SCUBE2: variants seen among roughly 807,000 people sequenced by gnomAD.
SCUBE2 encodes signal peptide, CUB domain and EGF like domain containing 2.
SCUBE2 carries 114 observed loss-of-function variants against 125.9 expected under a neutral mutation model. The observed-to-expected ratio is 0.91, with a 90% CI of 0.78 to 1.06. The LOEUF (loss-of-function observed/expected upper bound fraction) is 1.06. Among genes scored for constraint, SCUBE2 ranks in the 50% least tolerant of loss-of-function variants. The pLI is 0.00. For synonymous variants in SCUBE2, 459 were observed against 492.9 expected (o/e 0.93, Z 0.91); for missense variants, 1,255 against 1,301.8 (o/e 0.96, Z 0.55).
In SCUBE2 at chr11:9,079,083, T is replaced by A. The variant is rs1590148720; in HGVS notation, c.382+301A>T. ...ACAGCATTGAAAAAAAAAATGGTTA[T>A]AAGTCAGGACTCTCAACACAAGACC... On this transcript the variant is annotated intron_variant, in intron 3 of 22. Transcript: ENST00000649792. Among the ~76,000 whole-genome samples, 3 of 151,868 alleles carry A rather than the reference T, an allele frequency of 2.0e-5. No homozygotes were observed. In the Middle Eastern group the frequency reaches 0.01, roughly 517 times the overall value.
At chr11:9,080,100 G>A (rs1469501757) in intron 2 of SCUBE2, among the ~76,000 whole-genome samples, 1 of 152,188 alleles carries the variant, frequency 6.6e-6, no homozygotes, top group Non-Finnish European at 1.5e-5. Context: ...CAGAGGTATA[G>A]ATCAATGGAA....
intron 20 of SCUBE2, chr11:9,026,154 T>C: frequency 4.2e-6 from 1 of 237,314 alleles, no homozygotes; most frequent in Non-Finnish European, 8.1e-6. Flanking sequence ...ACTGACCTGC[T>C]GTCATCTAAT....
At chr11:9,065,320 G>C (rs927534122) in intron 7 of SCUBE2, among the ~76,000 whole-genome samples, 1 of 152,146 alleles carries the variant, frequency 6.6e-6, no homozygotes, top group Non-Finnish European at 1.5e-5. Flanking sequence ...TCTCATGATA[G>C]AGTGAGATCA....
intron 3 of SCUBE2, among the ~76,000 whole-genome samples, chr11:9,078,231 G>A (rs191906837): frequency 6.6e-4 from 101 of 152,336 alleles, no homozygotes; most frequent in African/African-American, 2.3e-3. Flanking sequence ...GGTACTGACT[G>A]CCTAGAAGAT....
intron 17 of SCUBE2, among the ~76,000 whole-genome samples, chr11:9,033,320 TAGGGAAATCACTCAGGTTTCAGGTGTA>T (rs767484882): frequency 1.5e-4 from 23 of 152,188 alleles, no homozygotes; most frequent in Non-Finnish European, 2.8e-4. Flanking sequence ...TACCTATAGA[TAGGGAAATCACTCAGGTTTCAGGTGTA>T]TATATTTCCA....
intron 13 of SCUBE2, 43 bp from the exon 14 acceptor site, chr11:9,050,753 A>C (rs1283111961): frequency 6.8e-7 from 1 of 1,472,746 alleles, no homozygotes. Flanking sequence ...TCAGAGGCAA[A>C]GGAATGGAGA....
intron 2 of SCUBE2, 23 bp downstream of exon 2, chr11:9,089,684 C>CA: frequency 6.2e-7 from 1 of 1,611,422 alleles, no homozygotes; most frequent in Non-Finnish European, 8.5e-7. Flanking sequence ...ACAGTCCCCC[C>CA]ACATGGTCCC....
chr11:9,074,517 T>A lies in SCUBE2; in HGVS notation c.481A>T (p.Ser161Cys). The stretch of plus-strand genomic sequence containing the variant: ...TGAATGCAGGTGTGCTGATTGTCAC[T>A]CAGGAAAAACCCCTCCTTGCAGCAG... ...ECCCKEGFFLSDNQHTCIHRS... is the reference protein window; with the variant it reads ...ECCCKEGFFLCDNQHTCIHRS... Residue 161 changes from serine to cysteine, a missense_variant, in exon 4 of 23, where the codon AGT (serine) becomes TGT (cysteine). Transcript: ENST00000649792. 6.2e-7 allele frequency: 1 copy of A among 1,614,176 alleles called. No homozygotes were observed. The highest frequency in any genetic ancestry group is 8.5e-7 in the Non-Finnish European group (1 of 1,180,026).
intron 3 of SCUBE2, among the ~76,000 whole-genome samples, chr11:9,078,695 T>C (rs1331323325): frequency 3.9e-5 from 6 of 152,198 alleles, no homozygotes; most frequent in African/African-American, 1.4e-4. Flanking sequence ...CATGATGTTC[T>C]CCTGTACAAC....
chr11:9,075,466 A>G (rs1861143684), intron 3 of SCUBE2, among the ~76,000 whole-genome samples: 1 of 152,192 alleles, frequency 6.6e-6, no homozygotes, highest in Non-Finnish European at 1.5e-5. Flanking sequence ...GGCATGAAGA[A>G]CATTCAGATA....
chr11:9,035,966 G>A (rs1039827767), intron 16 of SCUBE2, among the ~76,000 whole-genome samples: 1 of 152,052 alleles, frequency 6.6e-6, no homozygotes, highest in Non-Finnish European at 1.5e-5. Context: ...TCAGCTCATC[G>A]CAACCTCCGC....
At chr11:9,054,725 A>ATATATATATATATATATATATT (rs1368153935) in intron 10 of SCUBE2, among the ~76,000 whole-genome samples, 2 of 22,346 alleles carry the variant, frequency 9.0e-5, no homozygotes, top group Non-Finnish European at 1.4e-4. Context: ...ATATATATAT[A>ATATATATATATATATATATATT]TTTTTTTTTT....
At chr11:9,089,914 C>CG in intron 1 of SCUBE2, 85 bp from the exon 2 acceptor site, 1 of 1,509,042 alleles carries the variant, frequency 6.6e-7, no homozygotes, top group Admixed American at 1.9e-5. Context: ...TCATCCTCAC[C>CG]AGCCCACCCC....
intron 5 of SCUBE2, among the ~76,000 whole-genome samples, chr11:9,068,367 C>T (rs773181575): frequency 1.3e-5 from 2 of 152,116 alleles, no homozygotes; most frequent in Non-Finnish European, 1.5e-5. Context: ...GAGCTGCGGC[C>T]CGATGGTGTA....
At chr11:9,076,454 G>A (rs1199526167) in intron 3 of SCUBE2, among the ~76,000 whole-genome samples, 1 of 151,986 alleles carries the variant, frequency 6.6e-6, no homozygotes, top group Non-Finnish European at 1.5e-5. Context: ...CTTGAGGACA[G>A]AGATTTTTGT....
chr11:9,042,246 C>G (rs1318507105), intron 16 of SCUBE2, among the ~76,000 whole-genome samples: 2 of 152,148 alleles, frequency 1.3e-5, no homozygotes, highest in African/African-American at 4.8e-5. Flanking sequence ...TCCTCACTGC[C>G]CTGTCACTCA....
At position 9,091,231 on chromosome 11, in the gene SCUBE2, T is replaced by C. The variant is rs1862680408; in HGVS notation, c.133+165A>G. On this transcript the variant is annotated intron_variant, in intron 1 of 22. Coordinates refer to ENST00000649792, the MANE Select transcript of SCUBE2 (RefSeq NM_001367977.2). This position sits in a 1 kb window ranked among gnomAD's most constrained non-coding sequence, Gnocchi z 8.5. ...CAGGGCCCCAGCGGTCGTGGCGCCT[T>C]GGCCCGGCCGGCGGGTGAGGTCCCG... is the stretch of plus-strand genomic sequence containing the variant. Among the ~76,000 whole-genome samples the C allele has an allele frequency of 6.6e-6, 1 of 151,938 alleles. No individual in the cohort carries two copies. Among genetic ancestry groups the C allele is most frequent in the Non-Finnish European group, 1.5e-5 (1 of 67,972 alleles).
At position 9,091,444 on chromosome 11, in the gene SCUBE2, C is replaced by A; in HGVS notation, c.85G>T (p.Ala29Ser). ...LLLLPPLLLL[A>S]GAVPPGRGRA... ...CCCCGACCCGGCGGGACGGCCCCCG[C>A]CAGCAGCAGCAGTGGCGGCAGCAGC... The change falls in exon 1 of 23, where the codon GCG becomes TCG. Residue 29 changes from alanine (A) to serine (S), a missense_variant. Ala to Ser is a moderately conservative substitution (Grantham distance 99, BLOSUM62 1). Coordinates refer to ENST00000649792, the MANE Select transcript of SCUBE2 (RefSeq NM_001367977.2). The surrounding 1 kb of genome is among the most constrained non-coding windows in gnomAD (Gnocchi z 8.5). 1.5e-6 allele frequency: 2 copies of A among 1,331,108 alleles called. No homozygotes were observed. The highest frequency in any genetic ancestry group is 9.6e-7 in the Non-Finnish European group (1 of 1,044,548). 82.5% of individuals were successfully genotyped at this position (1,331,108 alleles called of 1,614,324 possible).
At chr11:9,086,957 CAGTACAAAGGAT>C (rs1254120601) in intron 2 of SCUBE2, among the ~76,000 whole-genome samples, 7 of 151,772 alleles carry the variant, frequency 4.6e-5, no homozygotes, top group African/African-American at 1.7e-4. Context: ...TTCCAAACGA[CAGTACAAAGGAT>C]GTATGCTCAC....
Sources: allele counts gnomAD v4.1 joint callset (sites outside exome capture counted in the v4.1 genomes callset), GRCh38; gene constraint gnomAD v4.1.1; non-coding constraint Gnocchi (gnomAD v3.1); transcripts MANE v1.5; gene names NCBI Gene and HGNC (gene_info 2026-07-23, HGNC 2026-07-21).